Variants in ARHGAP15 observed in about 807,000 individuals in gnomAD.
ARHGAP15 encodes Rho GTPase activating protein 15.
In ARHGAP15, 51 loss-of-function variants were observed where a neutral mutation model predicts 63.7. The observed-to-expected ratio is 0.80, with a 90% CI of 0.64 to 1.01. The LOEUF (loss-of-function observed/expected upper bound fraction) is 1.01. ARHGAP15 is among the 50% of genes least tolerant of loss of function. The pLI, the probability that ARHGAP15 is intolerant of heterozygous loss-of-function variation, is 0.00. For missense variants in ARHGAP15, 560 were observed against 564.6 expected (o/e 0.99, Z 0.08); for synonymous variants, 191 against 193.8 (o/e 0.99, Z 0.12).
intron 6 of ARHGAP15, among the ~76,000 whole-genome samples, chr2:143,343,210 C>A (rs907527029): frequency 1.3e-5 from 2 of 151,916 alleles, no homozygotes; most frequent in Non-Finnish European, 2.9e-5. Flanking sequence ...TCTGAGTTTT[C>A]ATGGATAAGT....
At chr2:143,218,739 T>C (rs959330961) in intron 4 of ARHGAP15, among the ~76,000 whole-genome samples, 1 of 152,156 alleles carries the variant, frequency 6.6e-6, no homozygotes, top group African/African-American at 2.4e-5. Context: ...CATGTGAGCA[T>C]CATAGAGTAT....
At chr2:143,227,496 A>G (rs1193410535) in intron 4 of ARHGAP15, among the ~76,000 whole-genome samples, 1 of 152,190 alleles carries the variant, frequency 6.6e-6, no homozygotes, top group Non-Finnish European at 1.5e-5. Flanking sequence ...TTTTAAATTT[A>G]TCATAAGTGT....
chr2:143,658,131 AG>A (rs1681554265), intron 12 of ARHGAP15, among the ~76,000 whole-genome samples: 1 of 152,190 alleles, frequency 6.6e-6, no homozygotes, highest in South Asian at 2.1e-4. Context: ...ATTCTTACCA[AG>A]GGATCTTAAT....
chr2:143,136,586 G>A (rs1393529162), intron 1 of ARHGAP15, among the ~76,000 whole-genome samples: 3 of 152,090 alleles, frequency 2.0e-5, no homozygotes, highest in Non-Finnish European at 4.4e-5. Flanking sequence ...CCGGCTCCAG[G>A]TGACTCCTGT....
At chr2:143,650,379 C>T (rs537764252) in intron 12 of ARHGAP15, among the ~76,000 whole-genome samples, 3 of 151,942 alleles carry the variant, frequency 2.0e-5, no homozygotes, top group African/African-American at 4.8e-5. Flanking sequence ...GTCACGTGTC[C>T]GCTCAGATCT....
At chr2:143,541,444 A>G (rs1695048207) in intron 10 of ARHGAP15, among the ~76,000 whole-genome samples, 1 of 152,084 alleles carries the variant, frequency 6.6e-6, no homozygotes, top group African/African-American at 2.4e-5. Context: ...TTGGAGGAGG[A>G]GAGGAGCTCT....
chr2:143,373,533 G>T (rs181656858), intron 6 of ARHGAP15, among the ~76,000 whole-genome samples: 288 of 150,682 alleles, frequency 1.9e-3, no homozygotes, highest in African/African-American at 6.7e-3. Flanking sequence ...GGGAGGCTGA[G>T]GCAGGAGAAT....
intron 12 of ARHGAP15, chr2:143,676,128 A>G (rs1173406005): frequency 6.3e-6 from 1 of 159,812 alleles, no homozygotes; most frequent in East Asian, 1.8e-4. Context: ...CTAGCTTCAA[A>G]CTTTTCTTCT....
In ARHGAP15 at chr2:143,579,036, G is replaced by A. The variant is rs142015416; in HGVS notation, c.1003+22551G>A. Among the ~76,000 whole-genome samples the A allele has an allele frequency of 2.1e-3, 314 of 152,220 alleles. 1 individual carries two copies. The highest frequency in any genetic ancestry group is 6.8e-3 in the African/African-American group (281 of 41,558). On this transcript the variant is annotated intron_variant, in intron 11 of 13. Coordinates refer to ENST00000295095, the MANE Select transcript of ARHGAP15 (RefSeq NM_018460.4). ...TTTAAAGTGGGTTTTAAGATGCTAA[G>A]TATGCAAAACCTGTTCCATTTATAC... is the stretch of plus-strand genomic sequence containing the variant.
chr2:143,246,524 A>G (rs748891268), intron 5 of ARHGAP15, among the ~76,000 whole-genome samples: 4 of 152,016 alleles, frequency 2.6e-5, no homozygotes, highest in Non-Finnish European at 5.9e-5. Context: ...TATCTTAAGC[A>G]GAGTCAAAGG....
At chr2:143,413,617 T>A (rs931890614) in intron 6 of ARHGAP15, among the ~76,000 whole-genome samples, 1 of 152,206 alleles carries the variant, frequency 6.6e-6, no homozygotes, top group Non-Finnish European at 1.5e-5. Flanking sequence ...ACTACAGCTG[T>A]AAGCCACCAC....
intron 5 of ARHGAP15, among the ~76,000 whole-genome samples, chr2:143,231,067 T>TC (rs1387966547): frequency 1.4e-5 from 2 of 146,586 alleles, no homozygotes; most frequent in Admixed American, 7.0e-5. Flanking sequence ...GGGATGTAAT[T>TC]CCTTTTTTTT....
chr2:143,767,419 T>G (rs752819394), intron 13 of ARHGAP15, among the ~76,000 whole-genome samples: 8 of 152,202 alleles, frequency 5.3e-5, no homozygotes, highest in Admixed American at 3.3e-4. Flanking sequence ...ATTGTGGCAT[T>G]AAGCTAAATT....
At chr2:143,269,385 G>A (rs1025795084) in intron 6 of ARHGAP15, among the ~76,000 whole-genome samples, 4 of 152,114 alleles carry the variant, frequency 2.6e-5, no homozygotes, top group Non-Finnish European at 5.9e-5. Context: ...CAATCAACTT[G>A]CTCTTCAGTT....
rs528220796 is a variant in ARHGAP15 at position 143,559,338 on chromosome 2, G to A, written c.1003+2853G>A. 3.2e-3 allele frequency among the ~76,000 whole-genome samples: 492 copies of A among 152,320 alleles called. 1 individual carries two copies. The highest frequency in any genetic ancestry group is 4.5e-3 in the Non-Finnish European group (306 of 68,038). On this transcript the variant is annotated intron_variant, in intron 11 of 13. Transcript: ENST00000295095. ...CAATCCAAACTTCAGCGTCCTCTGA[G>A]GCTATGTAACTGCTCATGTTTCCAT... is the stretch of plus-strand genomic sequence containing the variant.
chr2:143,378,110 C>A (rs1167443177), intron 6 of ARHGAP15, among the ~76,000 whole-genome samples: 2 of 151,810 alleles, frequency 1.3e-5, no homozygotes, highest in Non-Finnish European at 2.9e-5. Context: ...TCCCCCTCAC[C>A]AATGCCTTGG....
intron 4 of ARHGAP15, among the ~76,000 whole-genome samples, chr2:143,227,886 A>G (rs1693278593): frequency 6.6e-6 from 1 of 152,102 alleles, no homozygotes; most frequent in Non-Finnish European, 1.5e-5. Flanking sequence ...AAAGATATAC[A>G]CATTTTTAGG....
intron 12 of ARHGAP15, 31 bp downstream of exon 12, chr2:143,624,298 A>G: frequency 1.3e-6 from 2 of 1,587,376 alleles, no homozygotes; most frequent in Non-Finnish European, 1.7e-6. Flanking sequence ...GGCAGGTGGT[A>G]GAATAACCTG....
intron 6 of ARHGAP15, among the ~76,000 whole-genome samples, chr2:143,337,552 G>A (rs1335749720): frequency 2.0e-5 from 3 of 152,124 alleles, no homozygotes; most frequent in Non-Finnish European, 4.4e-5. Flanking sequence ...TTACTCTGAA[G>A]GTCTCTCTAC....
Sources: gnomAD v4.1 joint callset for allele counts (sites outside exome capture counted in the v4.1 genomes callset) on GRCh38, gnomAD v4.1.1 for gene constraint, MANE v1.5 for transcripts, NCBI Gene and HGNC (gene_info 2026-07-23, HGNC 2026-07-21) for gene names.